Variants in TGFBI observed in about 807,000 individuals in gnomAD.
TGFBI encodes transforming growth factor-beta-induced protein ig-h3.
Under a neutral mutation model 73.7 loss-of-function variants are expected in TGFBI, and 50 were observed. The observed-to-expected ratio is 0.68, with a 90% confidence interval of 0.54 to 0.86. The LOEUF is 0.86. Among genes scored for constraint, TGFBI ranks in the 40% least tolerant of loss-of-function variants. TGFBI has a pLI of 0.00. For missense variants in TGFBI, 839 were observed against 877.0 expected, an observed-to-expected ratio of 0.96 and a Z score of 0.55; for synonymous variants, 362 against 360.5, an observed-to-expected ratio of 1.00 and a Z score of -0.05.
rs1751783994 is a variant in TGFBI, at chr5:136,063,316, C to T, written c.*90C>T. The T allele has an allele frequency of 8.3e-7, 1 of 1,204,592 alleles. No homozygotes were observed. The highest frequency in any genetic ancestry group is 1.9e-5 in the Admixed American group (1 of 52,694). 74.6% of individuals were successfully genotyped at this position (1,204,592 alleles called of 1,614,324 possible). On this transcript the variant is annotated 3_prime_UTR_variant, in exon 17 of 17. Coordinates refer to ENST00000442011, the MANE Select transcript of TGFBI (RefSeq NM_000358.3). The stretch of plus-strand genomic sequence containing the variant: ...GAGACTGTTTGAATGTTTTCAAAAC[C>T]AAGTATCACACTTTAATGTACATGG...
intron 2 of TGFBI, among the ~76,000 whole-genome samples, chr5:136,037,001 TACAGGAGCCGACCTGGTGAG>T (rs1183452240): frequency 6.6e-6 from 1 of 152,158 alleles, no homozygotes; most frequent in Non-Finnish European, 1.5e-5. Context: ...CACACAGAGA[TACAGGAGCCGACCTGGTGAG>T]ACAGGAGCCT....
At chr5:136,048,754 A>G (rs916951) in intron 6 of TGFBI, 61,162 of 152,658 alleles carry the variant, frequency 0.4, 14,667 homozygotes, top group Non-Finnish European at 0.52. Context: ...GGCTCAGGGC[A>G]GGAAGGGCAA....
At chr5:136,045,617 G>T (rs975502645) in intron 3 of TGFBI, 1 of 152,132 alleles carries the variant, frequency 6.6e-6, no homozygotes, top group Non-Finnish European at 1.5e-5. Context: ...AATTTGGTTG[G>T]TTCCAAGGTT....
In TGFBI at chr5:136,029,128, C is replaced by T. The variant is rs1751059644; in HGVS notation, c.73C>T (p.Pro25Ser). ...GGGCCCCGCCGCGACCCTGGCGGGT[C>T]CCGCCAAGTCGCCCTACCAGCTGGT... is the stretch of plus-strand genomic sequence containing the variant. ...ALGPAATLAG[P>S]AKSPYQLVLQ... Residue 25 changes from proline (P) to serine (S), a missense_variant, in exon 1 of 17, where the codon CCC becomes TCC. Physicochemically the swap from Pro to Ser is moderately conservative, Grantham distance 74. Transcript: ENST00000442011. 2.6e-6 allele frequency: 4 copies of T among 1,525,080 alleles called. No individual in the cohort carries two copies. The highest frequency in any genetic ancestry group is 3.5e-6 in the Non-Finnish European group (4 of 1,143,148). 94.5% of individuals were successfully genotyped at this position (1,525,080 alleles called of 1,614,324 possible). A position where few individuals can be genotyped will look rare whatever the true frequency, so the allele number is the denominator to read the frequency against.
chr5:136,054,549 C>A, intron 9 of TGFBI, 167 bp from the exon 10 acceptor site: 1 of 967,934 alleles, frequency 1.0e-6, no homozygotes, highest in Non-Finnish European at 1.7e-6. Flanking sequence ...CTTTAATTCT[C>A]CATAGAAGAT....
intron 1 of TGFBI, among the ~76,000 whole-genome samples, chr5:136,029,848 C>G (rs1751085143): frequency 2.0e-5 from 3 of 152,232 alleles, no homozygotes; most frequent in Non-Finnish European, 2.9e-5. Flanking sequence ...CACTTTCCCA[C>G]AGTCCTGAAG....
chr5:136,047,249 T>C (rs1301654870), intron 5 of TGFBI, 25 bp from the exon 6 acceptor site: 1 of 1,612,512 alleles, frequency 6.2e-7, no homozygotes. Context: ...TGTTGACTGC[T>C]CATCCTTGCT....
At chr5:136,057,007 G>C (rs1484781862) in intron 12 of TGFBI, among the ~76,000 whole-genome samples, 1 of 152,138 alleles carries the variant, frequency 6.6e-6, no homozygotes, top group Non-Finnish European at 1.5e-5. Flanking sequence ...CCCTAGGCCT[G>C]GGGGAATGGG....
intron 6 of TGFBI, 118 bp downstream of exon 6, chr5:136,047,538 C>A: frequency 4.0e-6 from 5 of 1,261,052 alleles, no homozygotes; most frequent in African/African-American, 1.5e-5. Context: ...GAACATAGAG[C>A]AGGTTCCCCT....
chr5:136,035,449 C>T (rs987506617), intron 2 of TGFBI, among the ~76,000 whole-genome samples: 8 of 151,980 alleles, frequency 5.3e-5, no homozygotes, highest in Non-Finnish European at 1.0e-4. Context: ...TGGTGAAACC[C>T]CGTCTCTACT....
chr5:136,038,112 G>A (rs1580710075), intron 2 of TGFBI, among the ~76,000 whole-genome samples: 1 of 152,134 alleles, frequency 6.6e-6, no homozygotes, highest in African/African-American at 2.4e-5. Flanking sequence ...AGCGGAGATC[G>A]ACCAAACGCC....
rs377011307 is a variant in TGFBI, at chr5:136,046,440, C to T, written c.404C>T (p.Pro135Leu). The change falls in exon 4 of 17, where the codon CCC becomes CTC. Residue 135 changes from proline (P) to leucine (L), a missense_variant. Pro to Leu is a moderately conservative substitution (Grantham distance 98). Coordinates refer to ENST00000442011, the MANE Select transcript of TGFBI (RefSeq NM_000358.3). ...AAGCTGAGGCCTGAGATGGAGGGGC[C>T]CGGCAGCTTCACCATCTTCGCCCCT... is the stretch of plus-strand genomic sequence containing the variant. ...TEKLRPEMEG[P>L]GSFTIFAPSN... The T allele has an allele frequency of 8.1e-6, 13 of 1,613,550 alleles. No individual in the cohort carries two copies. In the African/African-American group the frequency reaches 1.2e-4, roughly 15 times the overall value.
rs777372145 is a variant in TGFBI at position 136,046,383 on chromosome 5, C to G, written c.347C>G (p.Thr116Ser). ...GAGACCCTGGGAGTCGTTGGATCCA[C>G]CACCACTCAGCTGTACACGGACCGC... ...LYETLGVVGS[T>S]TTQLYTDRTE... Residue 116 changes from threonine to serine, a missense_variant, in exon 4 of 17, where the codon ACC becomes AGC. Transcript: ENST00000442011. The G allele has an allele frequency of 1.9e-6, 3 of 1,613,980 alleles. No homozygotes were observed. In the East Asian group the frequency reaches 6.7e-5, roughly 36 times the overall value.
chr5:136,035,998 G>A (rs1391721363), intron 2 of TGFBI, among the ~76,000 whole-genome samples: 1 of 152,240 alleles, frequency 6.6e-6, no homozygotes. Context: ...TGTCCAGGCT[G>A]AGAATACTGT....
intron 2 of TGFBI, among the ~76,000 whole-genome samples, chr5:136,043,813 C>A (rs1250132447): frequency 6.6e-6 from 1 of 152,236 alleles, no homozygotes; most frequent in African/African-American, 2.4e-5. Flanking sequence ...GTCCTCTGTT[C>A]TCCCAGTTGG....
rs146047755 is a variant in TGFBI at position 136,063,445 on chromosome 5, A to C, written c.*219A>C. The C allele has an allele frequency of 1.1e-4, 61 of 533,734 alleles. 1 individual carries two copies. The highest frequency in any genetic ancestry group is 1.0e-3 in the African/African-American group (54 of 52,634). The allele number at this position is 533,734 out of a possible 1,614,324, so 33.1% of individuals were successfully genotyped here. ...CTAAACATGGCTGTTAACCCACTGC[A>C]TGCAGAAACTTGGATGTCACTGCCT... On this transcript the variant is annotated 3_prime_UTR_variant, in exon 17 of 17. Coordinates refer to ENST00000442011, the MANE Select transcript of TGFBI (RefSeq NM_000358.3).
At chr5:136,037,826 G>A (rs983816702) in intron 2 of TGFBI, among the ~76,000 whole-genome samples, 1 of 152,210 alleles carries the variant, frequency 6.6e-6, no homozygotes, top group Non-Finnish European at 1.5e-5. Flanking sequence ...GCATGGTCGA[G>A]CTTTTCCATC....
chr5:136,049,989 A>G (rs1401867785), intron 7 of TGFBI, among the ~76,000 whole-genome samples: 2 of 152,162 alleles, frequency 1.3e-5, no homozygotes, highest in Non-Finnish European at 2.9e-5. Context: ...ACGCTTCACT[A>G]TTCTTCTCTG....
Position 136,059,180 on chromosome 5 carries a change from A to C in TGFBI, c.1769A>C (p.Lys590Thr), listed in dbSNP as rs2126916759. The C allele has an allele frequency of 6.2e-7, 1 of 1,610,390 alleles. No individual in the cohort carries two copies. Among genetic ancestry groups the C allele is most frequent in the Non-Finnish European group, 8.5e-7 (1 of 1,178,828 alleles). ...SGGIGALVRL[K>T]SLQGDKLEVS... ...GGCATCGGGGCCCTGGTGCGGCTAA[A>C]GTCTCTCCAAGGTGACAAGCTGGAA... Residue 590 changes from lysine (K) to threonine (T), a missense_variant, in exon 13 of 17, where the codon AAG becomes ACG. By Grantham distance (78) the Lys-to-Thr change is moderately conservative (BLOSUM62 -1). Coordinates refer to ENST00000442011, the MANE Select transcript of TGFBI (RefSeq NM_000358.3).
Sources: gnomAD v4.1 joint callset for allele counts (sites outside exome capture counted in the v4.1 genomes callset) on GRCh38, gnomAD v4.1.1 for gene constraint, MANE v1.5 for transcripts, NCBI Gene and HGNC (gene_info 2026-07-23, HGNC 2026-07-21) for gene names.